Variants in MYH15 observed in about 807,000 individuals in gnomAD.
MYH15 encodes the protein myosin heavy chain 15, also known as myosin-15.
In MYH15, 227 loss-of-function variants were observed where a neutral mutation model predicts 240.5. The observed-to-expected ratio is 0.94, with a 90% CI of 0.85 to 1.05. MYH15 has a LOEUF of 1.05. MYH15 is among the 50% of genes least tolerant of loss of function. The pLI is 0.00. For missense variants in MYH15, 2,217 were observed against 2,247.5 expected (o/e 0.99, Z 0.27); for synonymous variants, 785 against 796.7 (o/e 0.99, Z 0.25).
chr3:108,470,122 C>A lies in MYH15; in HGVS notation c.1474G>T (p.Glu492Ter), dbSNP rs370509544. 2 of 1,611,536 alleles carry A rather than the reference C, an allele frequency of 1.2e-6. No homozygotes were observed. Among genetic ancestry groups the A allele is most frequent in the African/African-American group, 1.3e-5 (1 of 74,708 alleles). ...NWHMFVLEQE[E>*]YKKESIEWVS... ...CATTCAATGCTTTCTTTCTTATATT[C>A]CTCTTGCTCCAGAACAAACATGTGC... The change falls in exon 14 of 41, where the codon GAA becomes TAA. Residue 492 changes from glutamate (E) to a stop codon, truncating the protein, a stop_gained. Coordinates refer to ENST00000693548, the MANE Select transcript of MYH15 (RefSeq NM_014981.3). LOFTEE classifies it high-confidence loss of function.
At chr3:108,521,817 T>A (rs1409358132) in intron 1 of MYH15, among the ~76,000 whole-genome samples, 1 of 152,132 alleles carries the variant, frequency 6.6e-6, no homozygotes, top group Non-Finnish European at 1.5e-5. Context: ...TGGCTTTTTG[T>A]TCACAGGAAA....
chr3:108,411,523 A>G (rs936550690), intron 30 of MYH15, among the ~76,000 whole-genome samples: 1 of 152,086 alleles, frequency 6.6e-6, no homozygotes, highest in Non-Finnish European at 1.5e-5. Flanking sequence ...AACAGGTCCT[A>G]CTGTTCTTAT....
intron 1 of MYH15, among the ~76,000 whole-genome samples, chr3:108,524,412 T>C (rs2083649800): frequency 6.6e-6 from 1 of 152,052 alleles, no homozygotes; most frequent in Non-Finnish European, 1.5e-5. Context: ...TATTTACTTG[T>C]TCTTTTCAAT....
chr3:108,409,446 T>C (rs904975443), intron 31 of MYH15, among the ~76,000 whole-genome samples: 1 of 152,234 alleles, frequency 6.6e-6, no homozygotes, highest in East Asian at 1.9e-4. Context: ...TCAGACCTAC[T>C]GAGTCAGAAA....
At chr3:108,535,323 TCAG>T in the MYH15 span, among the ~76,000 whole-genome samples, 3 of 152,156 alleles carry the variant, frequency 2.0e-5, no homozygotes, top group Admixed American at 6.6e-5. Flanking sequence ...GATCAAGGCA[TCAG>T]CAGATTTGGT....
At chr3:108,533,579 T>C (rs1017526972), upstream of MYH15, among the ~76,000 whole-genome samples, 8 of 152,100 alleles carry the variant, frequency 5.3e-5, no homozygotes, top group African/African-American at 1.7e-4. Flanking sequence ...GAATCTCCAA[T>C]GGGCAAGCAA....
At chr3:108,459,483 T>G in intron 17 of MYH15, 34 bp from the exon 18 acceptor site, 2 of 1,390,182 alleles carry the variant, frequency 1.4e-6, no homozygotes, top group Non-Finnish European at 2.0e-6. Flanking sequence ...ACAAAATCAC[T>G]TTGCAAATCA....
intron 33 of MYH15, among the ~76,000 whole-genome samples, chr3:108,400,796 G>A (rs537929127): frequency 1.1e-4 from 17 of 152,164 alleles, no homozygotes; most frequent in Admixed American, 3.3e-4. Context: ...GCAACAAAGC[G>A]AGACTCTTGT....
Position 108,399,231 on chromosome 3 carries a change from A to G in MYH15, c.4773T>C (p.Ser1591=). 1 of 1,614,182 alleles carries G rather than the reference A, an allele frequency of 6.2e-7. No individual in the cohort carries two copies. Among genetic ancestry groups the G allele is most frequent in the Non-Finnish European group, 8.5e-7 (1 of 1,180,002 alleles). Residue 1591 remains serine (S), a synonymous_variant, in exon 34 of 41, where the codon TCT becomes TCC. Transcript: ENST00000693548. Reference sequence around the variant, plus strand: ...TGCTCTTAGCTTCAGAATCCAGACTAGACTGCAGGGAGTCAATGGTACACT... The same window carrying G: ...TGCTCTTAGCTTCAGAATCCAGACTGGACTGCAGGGAGTCAATGGTACACT... ...KQQCTIDSLQ[S]SLDSEAKSRI... is the part of the protein sequence containing the mutation.
Position 108,464,715 on chromosome 3 carries a change from A to C in MYH15, c.1654T>G (p.Ser552Ala). 3 of 1,613,964 alleles carry C rather than the reference A, an allele frequency of 1.9e-6. No homozygotes were observed. Among genetic ancestry groups the C allele is most frequent in the Non-Finnish European group, 2.5e-6 (3 of 1,179,886 alleles). The change falls in exon 15 of 41, where the codon TCG becomes GCG. Residue 552 changes from serine to alanine, a missense_variant. Coordinates refer to ENST00000693548, the MANE Select transcript of MYH15 (RefSeq NM_014981.3). Reference protein sequence around the residue: ...TKLFDNHFGKSVHLQKPKPDK... With the variant: ...TKLFDNHFGKAVHLQKPKPDK... ...GGCTTGGGCTTCTGGAGATGAACCG[A>C]CTTTCCAAAATGGTTGTCAAAGAGT... is the stretch of plus-strand genomic sequence containing the variant.
intron 35 of MYH15, 128 bp from the exon 36 acceptor site, chr3:108,394,284 C>T (rs1271907378): frequency 5.7e-6 from 7 of 1,218,032 alleles, no homozygotes; most frequent in Non-Finnish European, 8.0e-6. Flanking sequence ...GAGCCATAGT[C>T]CCTTAAGCAG....
intron 30 of MYH15, among the ~76,000 whole-genome samples, chr3:108,411,690 G>C (rs2082594400): frequency 6.6e-6 from 1 of 151,984 alleles, no homozygotes; most frequent in South Asian, 2.1e-4. Flanking sequence ...CAGGGTTGCT[G>C]GCAGTCCCAT....
At chr3:108,530,251 CAA>C (rs747081739), upstream of MYH15, among the ~76,000 whole-genome samples, 3 of 152,132 alleles carry the variant, frequency 2.0e-5, no homozygotes, top group Non-Finnish European at 2.9e-5. Context: ...AAACAAAGCT[CAA>C]AGATATCTAT....
chr3:108,384,675 C>T lies in MYH15; in HGVS notation c.5631+12G>A, dbSNP rs370539072. On this transcript the variant is annotated intron_variant, in intron 39 of 40. Coordinates refer to ENST00000693548, the MANE Select transcript of MYH15 (RefSeq NM_014981.3). ...GGAAATCCATGAGGCTGAAACTTCC[C>T]CAGGCACTCACCGCCACCTCGACTT... 6.8e-6 allele frequency: 11 copies of T among 1,610,396 alleles called. No homozygotes were observed. The African/African-American group carries it at 1.3e-4, about 20-fold the overall frequency.
At chr3:108,470,334 T>G (rs2083161881) in intron 13 of MYH15, 122 bp from the exon 14 acceptor site, 2 of 636,650 alleles carry the variant, frequency 3.1e-6, no homozygotes, top group African/African-American at 3.8e-5. Flanking sequence ...ACCCAACAAG[T>G]AACAAATGCT....
At chr3:108,395,673 G>A (rs538124854) in intron 35 of MYH15, among the ~76,000 whole-genome samples, 18 of 145,738 alleles carry the variant, frequency 1.2e-4, no homozygotes, top group Admixed American at 4.2e-4. Context: ...GTTAGGAAGT[G>A]CTTTGCAGAA....
At chr3:108,486,889 C>T (rs968434423) in intron 9 of MYH15, among the ~76,000 whole-genome samples, 1 of 152,178 alleles carries the variant, frequency 6.6e-6, no homozygotes, top group Non-Finnish European at 1.5e-5. Flanking sequence ...AGATTTATGA[C>T]TGAGGGCTGG....
chr3:108,532,710 T>C (rs1257498045), upstream of MYH15, among the ~76,000 whole-genome samples: 8 of 152,192 alleles, frequency 5.3e-5, no homozygotes, highest in Admixed American at 5.2e-4. Flanking sequence ...AGAAGGACTT[T>C]CCTACTATTG....
chr3:108,455,703 C>T (rs1328335747), intron 20 of MYH15, 33 bp downstream of exon 20: 1 of 1,609,602 alleles, frequency 6.2e-7, no homozygotes, highest in Non-Finnish European at 8.5e-7. Flanking sequence ...CCCCATTCGT[C>T]TCCAAATGCA....
Sources: allele counts gnomAD v4.1 joint callset (sites outside exome capture counted in the v4.1 genomes callset), GRCh38; gene constraint gnomAD v4.1.1; transcripts MANE v1.5; gene names NCBI Gene and HGNC (gene_info 2026-07-23, HGNC 2026-07-21).